The following CCDC126 variants were observed in gnomAD, a reference collection of about 807,000 sequenced individuals.
CCDC126 encodes the protein coiled-coil domain-containing protein 126.
A neutral mutation model predicts 11.7 loss-of-function variants in CCDC126; 5 were observed. That is an observed-to-expected ratio of 0.43 (90% confidence interval 0.22 to 0.90). The LOEUF is 0.90. Ranked by LOEUF, CCDC126 falls within the 40% of genes least tolerant of loss-of-function variation. CCDC126 has a pLI of 0.27. For synonymous variants in CCDC126, 60 were observed against 61.9 expected (o/e 0.97, Z 0.14); for missense variants, 150 against 163.1 (o/e 0.92, Z 0.44).
intron 2 of CCDC126, among the ~76,000 whole-genome samples, chr7:23,606,517 C>T (rs1462881133): frequency 6.6e-6 from 1 of 152,090 alleles, no homozygotes; most frequent in Non-Finnish European, 1.5e-5. Context: ...TCTGGCAAAC[C>T]ACTTGACAAG....
At position 23,643,875 on chromosome 7, in the gene CCDC126, A is replaced by G. The variant is rs1331319941; in HGVS notation, c.*760A>G. On this transcript the variant is annotated 3_prime_UTR_variant, in exon 4 of 4. Transcript: ENST00000307471. ...AAAAGATATTTTTATGATGAGAGTA[A>G]CAATAAAGTATTCATGATTTTTCAC... 3 of 152,162 alleles carry G rather than the reference A, an allele frequency of 2.0e-5. No individual in the cohort carries two copies. Among genetic ancestry groups the G allele is most frequent in the Non-Finnish European group, 2.9e-5 (2 of 67,988 alleles). The allele number at this position is 152,162 out of a possible 1,614,324, so 9.4% of individuals were successfully genotyped here.
At chr7:23,619,341 G>A in intron 3 of CCDC126, 1 of 347,054 alleles carries the variant, frequency 2.9e-6, no homozygotes, top group South Asian at 2.8e-5. Flanking sequence ...CCATAGGGAA[G>A]CAAAAGAACA....
chr7:23,601,379 T>C (rs903024601), intron 2 of CCDC126, among the ~76,000 whole-genome samples: 1 of 152,232 alleles, frequency 6.6e-6, no homozygotes, highest in African/African-American at 2.4e-5. Context: ...AGCCAGACCT[T>C]ATCTCAAACA....
At chr7:23,630,520 A>C (rs1783091721) in intron 3 of CCDC126, among the ~76,000 whole-genome samples, 1 of 151,422 alleles carries the variant, frequency 6.6e-6, no homozygotes, top group Admixed American at 6.6e-5. Flanking sequence ...TCAATCATCC[A>C]TGAAGGCTGG....
chr7:23,628,808 A>T (rs1783056959), intron 3 of CCDC126, among the ~76,000 whole-genome samples: 1 of 152,152 alleles, frequency 6.6e-6, no homozygotes, highest in South Asian at 2.1e-4. Context: ...GACATTCATC[A>T]TCCCCAGTGA....
chr7:23,628,242 C>G (rs1048925189), intron 3 of CCDC126, among the ~76,000 whole-genome samples: 1 of 152,162 alleles, frequency 6.6e-6, no homozygotes, highest in Admixed American at 6.5e-5. Context: ...AAGCCTTGGA[C>G]ATTTTATATA....
chr7:23,638,341 A>G (rs1182909958), intron 3 of CCDC126, among the ~76,000 whole-genome samples: 3 of 120,254 alleles, frequency 2.5e-5, no homozygotes, highest in Non-Finnish European at 3.5e-5. Flanking sequence ...AGAAGTGGGC[A>G]TGGGAGACTT....
intron 3 of CCDC126, among the ~76,000 whole-genome samples, chr7:23,623,999 C>T (rs1385715038): frequency 1.3e-5 from 2 of 152,144 alleles, no homozygotes; most frequent in Non-Finnish European, 2.9e-5. Flanking sequence ...TTCAGTAGTA[C>T]ATGGTGTAAA....
chr7:23,597,766 G>A (rs1782448829), intron 1 of CCDC126, 161 bp downstream of exon 1: 1 of 152,138 alleles, frequency 6.6e-6, no homozygotes, highest in Non-Finnish European at 1.5e-5. Context: ...GCAGCCTCCG[G>A]CCGCGGCCGG....
intron 3 of CCDC126, among the ~76,000 whole-genome samples, chr7:23,615,734 A>T (rs557200165): frequency 2.0e-5 from 3 of 152,214 alleles, no homozygotes; most frequent in Admixed American, 1.3e-4. Flanking sequence ...GAAGAGAGGG[A>T]GAGAGACAGA....
intron 3 of CCDC126, among the ~76,000 whole-genome samples, chr7:23,614,654 C>T (rs769331620): frequency 1.4e-4 from 22 of 152,152 alleles, no homozygotes; most frequent in Non-Finnish European, 2.9e-4. Flanking sequence ...CTTAAAAGTC[C>T]AAATGACTCC....
At chr7:23,629,752 G>A (rs1211298259) in intron 3 of CCDC126, among the ~76,000 whole-genome samples, 1 of 152,060 alleles carries the variant, frequency 6.6e-6, no homozygotes, top group Non-Finnish European at 1.5e-5. Context: ...CTGGAAGATA[G>A]AACAATGTAA....
At chr7:23,599,612 C>G (rs1782497791) in intron 2 of CCDC126, among the ~76,000 whole-genome samples, 1 of 151,818 alleles carries the variant, frequency 6.6e-6, no homozygotes, top group African/African-American at 2.4e-5. Context: ...ATTCTTGTAC[C>G]TCATGCCTGG....
intron 3 of CCDC126, among the ~76,000 whole-genome samples, chr7:23,612,900 G>A (rs1174584794): frequency 6.6e-6 from 1 of 152,098 alleles, no homozygotes; most frequent in Non-Finnish European, 1.5e-5. Context: ...ATCATGACAT[G>A]TTCTTTCTTT....
chr7:23,613,775 C>A (rs767842631), intron 3 of CCDC126, among the ~76,000 whole-genome samples: 99 of 152,170 alleles, frequency 6.5e-4, no homozygotes, highest in Non-Finnish European at 1.3e-3. Context: ...CCAAACCACA[C>A]AATAAAGTGA....
At chr7:23,615,018 C>A (rs2128016657) in intron 3 of CCDC126, among the ~76,000 whole-genome samples, 1 of 152,324 alleles carries the variant, frequency 6.6e-6, no homozygotes, top group African/African-American at 2.4e-5. Context: ...AGAAGAAAGT[C>A]AGCCTGTCAT....
intron 3 of CCDC126, among the ~76,000 whole-genome samples, chr7:23,642,572 G>A (rs1348823263): frequency 2.0e-5 from 3 of 152,018 alleles, no homozygotes; most frequent in Admixed American, 1.3e-4. Flanking sequence ...AGAGCAGCCC[G>A]GCCAACGTGG....
At chr7:23,635,048 A>G (rs535724721) in intron 3 of CCDC126, among the ~76,000 whole-genome samples, 56 of 152,298 alleles carry the variant, frequency 3.7e-4, no homozygotes, top group Non-Finnish European at 6.3e-4. Flanking sequence ...GGCTAGGTCT[A>G]TGTTTTTATG....
Position 23,636,714 on chromosome 7 carries a change from C to G in CCDC126, c.239-6217C>G, listed in dbSNP as rs573957798. 2.3e-4 allele frequency among the ~76,000 whole-genome samples: 33 copies of G among 145,528 alleles called. 2 individuals carry two copies. The highest frequency in any genetic ancestry group is 8.1e-4 in the African/African-American group (31 of 38,272). On this transcript the variant is annotated intron_variant, in intron 3 of 3. Transcript: ENST00000307471. ...GAGCCCCTCCGCCTGGCAGCCACCC[C>G]GTCTGGAAAGTGAGGAGCGTCTCCG...
Sources: allele counts gnomAD v4.1 joint callset (sites outside exome capture counted in the v4.1 genomes callset), GRCh38; gene constraint gnomAD v4.1.1; transcripts MANE v1.5; gene names NCBI Gene and HGNC (gene_info 2026-07-23, HGNC 2026-07-21).